Variants in ANK2 observed in about 807,000 individuals in gnomAD.
ANK2 encodes the protein ankyrin 2, also known as ankyrin-2.
ANK2 carries 83 observed loss-of-function variants against 360.5 expected under a neutral mutation model. That is an observed-to-expected ratio of 0.23 (90% CI 0.19 to 0.28). The LOEUF (loss-of-function observed/expected upper bound fraction) is 0.28, where lower values mean the gene tolerates loss of function less well. Among genes scored for constraint, ANK2 ranks in the 10% least tolerant of loss-of-function variants. The pLI, the probability that ANK2 is intolerant of heterozygous loss-of-function variation, is 1.00. For missense variants in ANK2, 4,201 were observed against 4,795.7 expected, an observed-to-expected ratio of 0.88 and a Z score of 3.66; for synonymous variants, 1,740 against 1,759.5, an observed-to-expected ratio of 0.99 and a Z score of 0.28.
chr4:112,886,480 T>C (rs1239169597), intron 1 of ANK2, among the ~76,000 whole-genome samples: 2 of 151,864 alleles, frequency 1.3e-5, no homozygotes, highest in Non-Finnish European at 2.9e-5. Flanking sequence ...CTGACCAACA[T>C]GGTGAAACTC....
At position 113,237,182 on chromosome 4, in the gene ANK2, G is replaced by A; in HGVS notation, c.669+10G>A. 2 of 1,612,182 alleles carry A rather than the reference G, an allele frequency of 1.2e-6. No individual in the cohort carries two copies. Among genetic ancestry groups the A allele is most frequent in the East Asian group, 2.2e-5 (1 of 44,892 alleles). On this transcript the variant is annotated intron_variant, in intron 6 of 45. Coordinates refer to ENST00000357077, the MANE Select transcript of ANK2 (RefSeq NM_001148.6). ...TGACGTACAATCCAAGGTACTTAAA[G>A]CTGAACACATTTGTGGAAAGGAACT...
intron 1 of ANK2, among the ~76,000 whole-genome samples, chr4:113,115,915 A>T (rs962409013): frequency 7.9e-5 from 12 of 152,168 alleles, no homozygotes; most frequent in Non-Finnish European, 1.5e-5. Context: ...AAAATGCAAC[A>T]GTTGTGTGTA....
At chr4:113,036,078 C>T (rs1265111455) in intron 2 of ANK2, among the ~76,000 whole-genome samples, 1 of 151,802 alleles carries the variant, frequency 6.6e-6, no homozygotes, top group Non-Finnish European at 1.5e-5. Context: ...CATACGTCTT[C>T]CAATGTCTGT....
chr4:113,276,587 G>A (rs771665967), intron 15 of ANK2, among the ~76,000 whole-genome samples: 22 of 152,228 alleles, frequency 1.4e-4, no homozygotes, highest in Admixed American at 5.2e-4. Flanking sequence ...AGTGGAGGGA[G>A]GAGAGCTCTA....
intron 1 of ANK2, among the ~76,000 whole-genome samples, chr4:112,833,611 C>A (rs963762136): frequency 6.6e-6 from 1 of 151,668 alleles, no homozygotes; most frequent in Non-Finnish European, 1.5e-5. Context: ...TCACGCCATT[C>A]TCCTTGCTCA....
At chr4:113,247,212 GA>G (rs1253142410) in intron 9 of ANK2, among the ~76,000 whole-genome samples, 7 of 151,012 alleles carry the variant, frequency 4.6e-5, no homozygotes. Context: ...CTGGAAGGGG[GA>G]AAAACCCATA....
intron 1 of ANK2, among the ~76,000 whole-genome samples, chr4:113,169,669 G>A (rs1426730286): frequency 1.3e-5 from 2 of 152,100 alleles, no homozygotes; most frequent in African/African-American, 4.8e-5. Context: ...TTTTAGACAA[G>A]TGGTTCTCAA....
At chr4:112,975,823 G>C (rs2041187201) in intron 2 of ANK2, among the ~76,000 whole-genome samples, 1 of 152,040 alleles carries the variant, frequency 6.6e-6, no homozygotes, top group African/African-American at 2.4e-5. Flanking sequence ...TATTAGATTA[G>C]AGCTCCAGTT....
intron 9 of ANK2, among the ~76,000 whole-genome samples, chr4:113,245,807 A>ATT (rs913920079): frequency 1.8e-4 from 27 of 147,174 alleles, no homozygotes; most frequent in African/African-American, 6.7e-4. Flanking sequence ...ACATATGAAA[A>ATT]TTTTTTTTTT....
At chr4:113,158,298 T>C (rs1000384567) in intron 1 of ANK2, among the ~76,000 whole-genome samples, 1 of 152,170 alleles carries the variant, frequency 6.6e-6, no homozygotes, top group African/African-American at 2.4e-5. Flanking sequence ...TCTTAAGACA[T>C]AGTGAACATC....
the ANK2 span, among the ~76,000 whole-genome samples, chr4:112,764,851 G>A: frequency 1.3e-5 from 2 of 151,864 alleles, no homozygotes; most frequent in Admixed American, 1.3e-4. Context: ...GGGATTACAG[G>A]CATGTGCCAC....
chr4:112,847,721 T>C (rs1560771523), intron 1 of ANK2, among the ~76,000 whole-genome samples: 1 of 152,126 alleles, frequency 6.6e-6, no homozygotes. Context: ...CTTCAATATA[T>C]AAAAAAATAA....
intron 2 of ANK2, among the ~76,000 whole-genome samples, chr4:112,993,393 C>G (rs1223816330): frequency 1.3e-5 from 2 of 151,736 alleles, no homozygotes; most frequent in Non-Finnish European, 2.9e-5. Flanking sequence ...ACCTCCACCT[C>G]CCAGGTTCAA....
At chr4:112,789,452 A>C in the ANK2 span, among the ~76,000 whole-genome samples, 1 of 151,958 alleles carries the variant, frequency 6.6e-6, no homozygotes, top group Non-Finnish European at 1.5e-5. Flanking sequence ...CCAGGGCCAA[A>C]GTTATGATTT....
chr4:113,249,694 T>G, intron 9 of ANK2, 70 bp from the exon 10 acceptor site: 1 of 1,419,120 alleles, frequency 7.0e-7, no homozygotes, highest in African/African-American at 1.4e-5. Flanking sequence ...TCCCTCTTTA[T>G]GGTTGCAATA....
chr4:113,238,066 C>G (rs1199063195), intron 7 of ANK2, among the ~76,000 whole-genome samples: 1 of 151,724 alleles, frequency 6.6e-6, no homozygotes, highest in Non-Finnish European at 1.5e-5. Context: ...TTTTTCTTTA[C>G]CACATTTATA....
At chr4:113,073,097 G>A (rs1192487588) in intron 1 of ANK2, among the ~76,000 whole-genome samples, 1 of 151,240 alleles carries the variant, frequency 6.6e-6, no homozygotes, top group Non-Finnish European at 1.5e-5. Flanking sequence ...AAGTAGCTGG[G>A]ATTACAGGCG....
chr4:113,327,192 CT>C (rs1163795908), intron 26 of ANK2, among the ~76,000 whole-genome samples: 1 of 152,024 alleles, frequency 6.6e-6, no homozygotes, highest in Non-Finnish European at 1.5e-5. Context: ...ATTTTCCCAT[CT>C]TTGGTCTTTC....
At chr4:113,324,304 C>T (rs1229083983) in intron 26 of ANK2, among the ~76,000 whole-genome samples, 1 of 151,952 alleles carries the variant, frequency 6.6e-6, no homozygotes, top group Non-Finnish European at 1.5e-5. Context: ...ATAAATGCAA[C>T]CTTTTGATAT....
Sources: allele counts gnomAD v4.1 joint callset (sites outside exome capture counted in the v4.1 genomes callset), GRCh38; gene constraint gnomAD v4.1.1; transcripts MANE v1.5; gene names NCBI Gene and HGNC (gene_info 2026-07-23, HGNC 2026-07-21).